Variants in KCNH5 observed in about 807,000 individuals in gnomAD.
KCNH5 encodes voltage-gated delayed rectifier potassium channel KCNH5.
A neutral mutation model predicts 96.1 loss-of-function variants in KCNH5; 46 were observed. That is an observed-to-expected ratio of 0.48 (90% CI 0.38 to 0.61). The LOEUF (loss-of-function observed/expected upper bound fraction) is 0.61. Ranked by LOEUF, KCNH5 falls within the 20% of genes least tolerant of loss-of-function variation. The probability of loss-of-function intolerance (pLI) is 0.00; values close to 1 mark genes in which losing one functional copy is unlikely to be tolerated. For missense variants in KCNH5, 907 were observed against 1,225.8 expected, an observed-to-expected ratio of 0.74 and a Z score of 3.88; for synonymous variants, 439 against 449.8, an observed-to-expected ratio of 0.98 and a Z score of 0.30.
intron 8 of KCNH5, among the ~76,000 whole-genome samples, chr14:62,826,806 C>G (rs887263967): frequency 6.6e-6 from 1 of 151,618 alleles, no homozygotes; most frequent in Non-Finnish European, 1.5e-5. Context: ...TTTATCAGAG[C>G]ATTTATAGTT....
chr14:62,800,882 C>T (rs941325455), intron 9 of KCNH5, among the ~76,000 whole-genome samples: 46 of 151,490 alleles, frequency 3.0e-4, no homozygotes, highest in African/African-American at 9.7e-4. Flanking sequence ...CAAGCACTAA[C>T]GAGCATTAAA....
intron 9 of KCNH5, among the ~76,000 whole-genome samples, chr14:62,793,321 A>AAGTGTT (rs1886473384): frequency 1.3e-5 from 2 of 151,856 alleles, no homozygotes; most frequent in African/African-American, 4.8e-5. Flanking sequence ...TGAAAAAAGG[A>AAGTGTT]CAGAAGAAAG....
rs149387850 is a variant in KCNH5 at position 62,832,178 on chromosome 14, C to CT, written c.1569+17474dup. ...ACATGAAATTTACCCTACTATTAAA[C>CT]TTTTTAGCTATATAATACAGTAGTA... is the stretch of plus-strand genomic sequence containing the variant. On this transcript the variant is annotated intron_variant, in intron 8 of 10. Coordinates refer to ENST00000322893, the MANE Select transcript of KCNH5 (RefSeq NM_139318.5). Among the ~76,000 whole-genome samples, 1,379 of 152,144 alleles carry CT rather than the reference C, an allele frequency of 9.1e-3. 24 individuals are homozygous for CT. The highest frequency in any genetic ancestry group is 0.032 in the African/African-American group (1,308 of 41,510).
At chr14:62,721,293 G>T (rs953315386) in intron 10 of KCNH5, among the ~76,000 whole-genome samples, 2 of 152,118 alleles carry the variant, frequency 1.3e-5, no homozygotes, top group African/African-American at 4.8e-5. Flanking sequence ...TGGGCTAATA[G>T]AAAAAAGATT....
At chr14:62,779,195 C>G (rs1469363520) in intron 10 of KCNH5, among the ~76,000 whole-genome samples, 1 of 152,204 alleles carries the variant, frequency 6.6e-6, no homozygotes, top group Non-Finnish European at 1.5e-5. Context: ...GTTAAATGTG[C>G]AGCAGCAGTG....
At chr14:62,835,609 A>G (rs1887449225) in intron 8 of KCNH5, among the ~76,000 whole-genome samples, 1 of 152,086 alleles carries the variant, frequency 6.6e-6, no homozygotes, top group African/African-American at 2.4e-5. Flanking sequence ...AGCTTTAGTC[A>G]ATTTGAAACT....
rs71120241 is a variant in KCNH5 at position 62,908,782 on chromosome 14, ATTTTTT to A, written c.1369+41345_1369+41350del. Among the ~76,000 whole-genome samples, 52 of 23,716 alleles carry A rather than the reference ATTTTTT, an allele frequency of 2.2e-3. 1 individual carries two copies. In the South Asian group the frequency reaches 0.023, roughly 10 times the overall value. 15.6% of individuals were successfully genotyped at this position (23,716 alleles called of 152,430 possible). A position where few individuals can be genotyped will look rare whatever the true frequency, so the allele number is the denominator to read the frequency against. On this transcript the variant is annotated intron_variant, in intron 7 of 10. Coordinates refer to ENST00000322893, the MANE Select transcript of KCNH5 (RefSeq NM_139318.5). Reference sequence around the variant, plus strand: ...TTGCCCTTTGTTGATTTTGCTTTGTATTTTTTTTTTTTTTTTTTTTTTTTTTTTTTT... The same window carrying A: ...TTGCCCTTTGTTGATTTTGCTTTGTATTTTTTTTTTTTTTTTTTTTTTTTT...
intron 8 of KCNH5, among the ~76,000 whole-genome samples, chr14:62,826,331 G>A (rs1887222597): frequency 6.6e-6 from 1 of 151,188 alleles, no homozygotes; most frequent in Admixed American, 6.6e-5. Context: ...TCATTTGCCT[G>A]GTATACCTTT....
Position 62,998,273 on chromosome 14 carries a change from G to A in KCNH5, c.433+3058C>T, listed in dbSNP as rs568178072. On this transcript the variant is annotated intron_variant, in intron 4 of 10. Transcript: ENST00000322893. The stretch of plus-strand genomic sequence containing the variant: ...ATCAATGGCAGCTATAGAGTTGTTC[G>A]CAGTAGCCCTTTACTCTGCTTGAAT... 6.6e-5 allele frequency among the ~76,000 whole-genome samples: 10 copies of A among 152,226 alleles called. No individual in the cohort carries two copies. In the South Asian group the frequency reaches 1.2e-3, roughly 19 times the overall value.
intron 10 of KCNH5, among the ~76,000 whole-genome samples, chr14:62,740,200 G>A (rs1885242218): frequency 6.6e-6 from 1 of 152,168 alleles, no homozygotes; most frequent in African/African-American, 2.4e-5. Flanking sequence ...AAACAATCAT[G>A]TGAACACAAT....
intron 1 of KCNH5, among the ~76,000 whole-genome samples, chr14:63,034,803 A>T (rs1432953724): frequency 6.6e-6 from 1 of 152,190 alleles, no homozygotes; most frequent in African/African-American, 2.4e-5. Flanking sequence ...ATATTTCTGA[A>T]ATTCTAGTGG....
chr14:62,835,261 T>C (rs995979539), intron 8 of KCNH5, among the ~76,000 whole-genome samples: 1 of 152,004 alleles, frequency 6.6e-6, no homozygotes, highest in Non-Finnish European at 1.5e-5. Flanking sequence ...GGTTTTACTG[T>C]CTTCTTTTTA....
At chr14:62,849,892 A>C in intron 7 of KCNH5, 40 bp from the exon 8 acceptor site, 417 of 1,445,178 alleles carry the variant, frequency 2.9e-4, no homozygotes, top group Non-Finnish European at 3.7e-4. Context: ...CAAATATCTC[A>C]TGTGAAAAAA....
Position 62,729,842 on chromosome 14 carries a change from A to C in KCNH5, c.2020-21387T>G, listed in dbSNP as rs536615064. ...AAAACCCACTCTTTTGCTGTCAGCT[A>C]GAAGTGAAGCACCAGTACATCTAGG... On this transcript the variant is annotated intron_variant, in intron 10 of 10. Coordinates refer to ENST00000322893, the MANE Select transcript of KCNH5 (RefSeq NM_139318.5). Among the ~76,000 whole-genome samples, 258 of 152,336 alleles carry C rather than the reference A, an allele frequency of 1.7e-3. 2 individuals are homozygous for C. Among genetic ancestry groups the C allele is most frequent in the African/African-American group, 6.1e-3 (253 of 41,578 alleles).
intron 8 of KCNH5, among the ~76,000 whole-genome samples, chr14:62,806,569 C>A (rs141368714): frequency 6.6e-6 from 1 of 152,008 alleles, no homozygotes; most frequent in Non-Finnish European, 1.5e-5. Context: ...GGAAGCAGAC[C>A]GCAGCACTGA....
intron 7 of KCNH5, among the ~76,000 whole-genome samples, chr14:62,874,887 G>C (rs1303660484): frequency 4.9e-5 from 7 of 141,768 alleles, no homozygotes; most frequent in East Asian, 2.1e-4. Context: ...ATTAGGAAAA[G>C]AGGAAGTCAA....
At chr14:62,788,997 T>C (rs985618392) in intron 9 of KCNH5, among the ~76,000 whole-genome samples, 3 of 152,214 alleles carry the variant, frequency 2.0e-5, no homozygotes, top group Non-Finnish European at 4.4e-5. Context: ...TTATTAGCTA[T>C]AGTCTTCATC....
intron 7 of KCNH5, among the ~76,000 whole-genome samples, chr14:62,867,092 A>G (rs1378098222): frequency 1.3e-5 from 2 of 152,126 alleles, no homozygotes; most frequent in Admixed American, 1.3e-4. Context: ...TCATCTCCCC[A>G]TGGTTATCAG....
intron 7 of KCNH5, among the ~76,000 whole-genome samples, chr14:62,899,727 G>A (rs4644785): frequency 0.12 from 17,805 of 150,258 alleles, 1,240 homozygotes; most frequent in East Asian, 0.27. Flanking sequence ...CCAGCTACTT[G>A]GGAGGCTGAG....
Sources: allele counts gnomAD v4.1 joint callset (sites outside exome capture counted in the v4.1 genomes callset), GRCh38; gene constraint gnomAD v4.1.1; transcripts MANE v1.5; gene names NCBI Gene and HGNC (gene_info 2026-07-23, HGNC 2026-07-21).